PPP2R2B: variants seen among roughly 807,000 people sequenced by gnomAD.
PPP2R2B encodes protein phosphatase 2 regulatory subunit Bbeta, also known as serine/threonine-protein phosphatase 2A 55 kDa regulatory subunit B beta isoform.
In PPP2R2B, 5 loss-of-function variants were observed where a neutral mutation model predicts 46.0. The ratio of observed to expected loss-of-function variants is 0.11; its 90% CI spans 0.06 to 0.23. The LOEUF (loss-of-function observed/expected upper bound fraction) is 0.23. Ranked by LOEUF, PPP2R2B falls within the 10% of genes least tolerant of loss-of-function variation. The pLI, the probability that PPP2R2B is intolerant of heterozygous loss-of-function variation, is 1.00. For missense variants in PPP2R2B, 367 were observed against 575.0 expected, an observed-to-expected ratio of 0.64 and a Z score of 3.70; for synonymous variants, 215 against 206.7, an observed-to-expected ratio of 1.04 and a Z score of -0.34.
chr5:146,652,802 GA>G (rs561071514), intron 5 of PPP2R2B, among the ~76,000 whole-genome samples: 46 of 152,014 alleles, frequency 3.0e-4, no homozygotes, highest in African/African-American at 1.0e-3. Context: ...AGTGAATAGG[GA>G]AAAAAATGAA....
intron 2 of PPP2R2B, among the ~76,000 whole-genome samples, chr5:146,713,247 G>A (rs1353149283): frequency 6.6e-6 from 1 of 152,104 alleles, no homozygotes; most frequent in Non-Finnish European, 1.5e-5. Context: ...GACCCTAAGA[G>A]GGAAATGAAC....
At chr5:147,057,295 G>T (rs72827265), upstream of PPP2R2B, among the ~76,000 whole-genome samples, 11 of 152,320 alleles carry the variant, frequency 7.2e-5, no homozygotes, top group South Asian at 6.2e-4. Flanking sequence ...CAGGGACTTG[G>T]CAAGGTAGGG....
intron 1 of PPP2R2B, among the ~76,000 whole-genome samples, chr5:147,017,503 T>C (rs1160805510): frequency 6.6e-6 from 1 of 151,210 alleles, no homozygotes; most frequent in East Asian, 2.1e-4. Flanking sequence ...AAGGATGAAG[T>C]TTACGTAGAG....
At chr5:146,600,154 C>A (rs1000359650) in intron 8 of PPP2R2B, 137 bp downstream of exon 8, 2 of 897,532 alleles carry the variant, frequency 2.2e-6, no homozygotes, top group Non-Finnish European at 3.4e-6. Context: ...GCACTTATAG[C>A]CTGTACCATT....
intron 1 of PPP2R2B, among the ~76,000 whole-genome samples, chr5:146,946,149 C>A (rs989437896): frequency 6.6e-6 from 1 of 152,142 alleles, no homozygotes; most frequent in Non-Finnish European, 1.5e-5. Flanking sequence ...GCTTAAGCAA[C>A]AGCTTTACAC....
At chr5:146,760,045 A>G (rs995906750) in intron 2 of PPP2R2B, among the ~76,000 whole-genome samples, 3 of 152,214 alleles carry the variant, frequency 2.0e-5, no homozygotes, top group African/African-American at 7.2e-5. Context: ...TTTGTTTAGA[A>G]GCTAAATCTG....
intron 1 of PPP2R2B, among the ~76,000 whole-genome samples, chr5:146,996,665 G>C (rs1753935645): frequency 6.6e-6 from 1 of 152,164 alleles, no homozygotes; most frequent in South Asian, 2.1e-4. Flanking sequence ...CTTCAGCAGT[G>C]GCAGGAGTAA....
intron 5 of PPP2R2B, among the ~76,000 whole-genome samples, chr5:146,667,408 G>C (rs1777068696): frequency 6.6e-6 from 1 of 151,692 alleles, no homozygotes; most frequent in Non-Finnish European, 1.5e-5. Context: ...GGATGAGCAA[G>C]AGAAGAGAGT....
chr5:146,789,463 G>T (rs769115059), intron 2 of PPP2R2B, among the ~76,000 whole-genome samples: 8 of 152,202 alleles, frequency 5.3e-5, no homozygotes, highest in Middle Eastern at 3.4e-3. Flanking sequence ...AATCTCTGGA[G>T]CAGTCTCAGG....
chr5:146,829,434 T>G (rs1758785438), intron 2 of PPP2R2B, among the ~76,000 whole-genome samples: 1 of 152,306 alleles, frequency 6.6e-6, no homozygotes, highest in Non-Finnish European at 1.5e-5. Flanking sequence ...AATGGGTAAG[T>G]GTTCAGCATA....
At chr5:146,670,581 C>T (rs901998555) in intron 5 of PPP2R2B, among the ~76,000 whole-genome samples, 14 of 151,974 alleles carry the variant, frequency 9.2e-5, no homozygotes, top group South Asian at 2.1e-4. Context: ...CTGCAACCTC[C>T]GCCTCCCGAG....
chr5:146,973,303 G>A (rs1342521785), intron 1 of PPP2R2B, among the ~76,000 whole-genome samples: 2 of 152,160 alleles, frequency 1.3e-5, no homozygotes, highest in South Asian at 2.1e-4. Context: ...AAATTCCCAT[G>A]TTCTTTCCAT....
At chr5:147,075,649 C>G (rs915614188) in intron 2 of PPP2R2B, among the ~76,000 whole-genome samples, 2 of 152,088 alleles carry the variant, frequency 1.3e-5, no homozygotes, top group African/African-American at 4.8e-5. Flanking sequence ...TTTCAGGTTT[C>G]CCAGTGTTAG....
intron 2 of PPP2R2B, among the ~76,000 whole-genome samples, chr5:147,071,377 A>G (rs1259479358): frequency 4.6e-5 from 7 of 152,182 alleles, no homozygotes; most frequent in African/African-American, 1.4e-4. Flanking sequence ...TGCTAGAAAG[A>G]GCGTTTTTCA....
Position 146,878,301 on chromosome 5 carries a change from C to T in PPP2R2B, c.-124-106G>A. 1 of 1,455,742 alleles carries T rather than the reference C, an allele frequency of 6.9e-7. No individual in the cohort carries two copies. The highest frequency in any genetic ancestry group is 9.0e-7 in the Non-Finnish European group (1 of 1,110,168). 90.2% of individuals were successfully genotyped at this position (1,455,742 alleles called of 1,614,324 possible). ...CGAGGCTGCGGCGGCTCCTCCCGCG[C>T]GGTGCGCTCACTCCAGCTCCAGTTC... On this transcript the variant is annotated intron_variant, in intron 1 of 9. Transcript: ENST00000394411. This position sits in a 1 kb window ranked among gnomAD's most constrained non-coding sequence, Gnocchi z 4.5.
intron 7 of PPP2R2B, among the ~76,000 whole-genome samples, chr5:146,602,635 A>G (rs1771892096): frequency 6.6e-6 from 1 of 152,238 alleles, no homozygotes; most frequent in South Asian, 2.1e-4. Flanking sequence ...AAAGAACCCA[A>G]GTATATAATT....
At chr5:146,798,132 C>A (rs957170075) in intron 2 of PPP2R2B, among the ~76,000 whole-genome samples, 1 of 152,076 alleles carries the variant, frequency 6.6e-6, no homozygotes, top group Non-Finnish European at 1.5e-5. Context: ...TGGTTTTGAG[C>A]CTCTAATTGG....
chr5:146,857,475 GATA>G (rs1760742702), intron 2 of PPP2R2B, among the ~76,000 whole-genome samples: 1 of 152,092 alleles, frequency 6.6e-6, no homozygotes, highest in Admixed American at 6.6e-5. Flanking sequence ...GCATGGAGTA[GATA>G]ATGAGTTTTA....
At chr5:146,591,752 G>A (rs322471) in intron 9 of PPP2R2B, among the ~76,000 whole-genome samples, 6,988 of 151,016 alleles carry the variant, frequency 0.046, 275 homozygotes, top group African/African-American at 0.11. Context: ...TAGAAAGAGT[G>A]TTGATCTTAG....
Sources: allele counts gnomAD v4.1 joint callset (sites outside exome capture counted in the v4.1 genomes callset), GRCh38; gene constraint gnomAD v4.1.1; non-coding constraint Gnocchi (gnomAD v3.1); transcripts MANE v1.5; gene names NCBI Gene and HGNC (gene_info 2026-07-23, HGNC 2026-07-21).